PKHD1: variants seen among roughly 807,000 people sequenced by gnomAD.
PKHD1 encodes fibrocystin.
In PKHD1, 291 loss-of-function variants were observed where a neutral mutation model predicts 412.0. The ratio of observed to expected loss-of-function variants is 0.71; its 90% CI spans 0.64 to 0.78. PKHD1 has a LOEUF of 0.78. Among genes scored for constraint, PKHD1 ranks in the 30% least tolerant of loss-of-function variants. The probability of loss-of-function intolerance (pLI) is 0.00; values close to 1 mark genes in which losing one functional copy is unlikely to be tolerated. For missense variants in PKHD1, 4,825 were observed against 4,950.7 expected (o/e 0.97, Z 0.76); for synonymous variants, 1,777 against 1,821.5 (o/e 0.98, Z 0.62).
chr6:52,028,677 A>G (rs1802591016), intron 29 of PKHD1, among the ~76,000 whole-genome samples: 1 of 151,940 alleles, frequency 6.6e-6, no homozygotes, highest in Admixed American at 6.6e-5. Context: ...ACACCCAGCT[A>G]ATTTTTGTAT....
At chr6:51,758,033 A>AGAGC (rs1156901124) in intron 55 of PKHD1, among the ~76,000 whole-genome samples, 1 of 150,612 alleles carries the variant, frequency 6.6e-6, no homozygotes, top group African/African-American at 2.5e-5. Flanking sequence ...AGAGAGAGAG[A>AGAGC]GAGAGAGAGA....
chr6:51,732,228 T>C (rs1339368229), intron 60 of PKHD1, among the ~76,000 whole-genome samples: 1 of 152,182 alleles, frequency 6.6e-6, no homozygotes, highest in Non-Finnish European at 1.5e-5. Flanking sequence ...TAATATTCAG[T>C]TCTTATTCCT....
chr6:51,909,887 T>A (rs1024682981), intron 39 of PKHD1, among the ~76,000 whole-genome samples: 8 of 152,130 alleles, frequency 5.3e-5, no homozygotes, highest in African/African-American at 1.9e-4. Context: ...CTTTTTAATC[T>A]TAAGCTGTCC....
At chr6:51,663,569 C>A (rs1773215114) in intron 60 of PKHD1, among the ~76,000 whole-genome samples, 1 of 152,148 alleles carries the variant, frequency 6.6e-6, no homozygotes, top group Admixed American at 6.6e-5. Flanking sequence ...CAAGGGTCAA[C>A]ATTCTACCTC....
chr6:51,928,455 G>C (rs1452305104), intron 37 of PKHD1, among the ~76,000 whole-genome samples: 1 of 152,036 alleles, frequency 6.6e-6, no homozygotes, highest in East Asian at 1.9e-4. Context: ...CAGGCCTGTG[G>C]CAAATTTACA....
chr6:51,801,364 T>C (rs1168726995), intron 52 of PKHD1, among the ~76,000 whole-genome samples: 1 of 152,182 alleles, frequency 6.6e-6, no homozygotes, highest in East Asian at 1.9e-4. Flanking sequence ...CTAGAGTTCA[T>C]TCTCTTGTAG....
intron 19 of PKHD1, among the ~76,000 whole-genome samples, chr6:52,055,334 T>C (rs573730661): frequency 1.1e-4 from 16 of 152,206 alleles, no homozygotes; most frequent in Non-Finnish European, 1.5e-4. Context: ...AAAGAAAATA[T>C]TGTAGCAAAT....
At chr6:51,707,132 G>C (rs1029478159) in intron 60 of PKHD1, among the ~76,000 whole-genome samples, 2 of 152,172 alleles carry the variant, frequency 1.3e-5, no homozygotes, top group Non-Finnish European at 1.5e-5. Flanking sequence ...ATGACAGCCT[G>C]ATAAGTTTGT....
intron 46 of PKHD1, among the ~76,000 whole-genome samples, chr6:51,872,370 A>T (rs1776111518): frequency 6.6e-6 from 1 of 151,384 alleles, no homozygotes; most frequent in Non-Finnish European, 1.5e-5. Flanking sequence ...GAGAAAAAAA[A>T]TAAGTTACGT....
intron 37 of PKHD1, among the ~76,000 whole-genome samples, chr6:51,913,379 A>T (rs1212924761): frequency 6.6e-6 from 1 of 152,082 alleles, no homozygotes; most frequent in Non-Finnish European, 1.5e-5. Flanking sequence ...ACACTCCAGC[A>T]TACCCGCCTG....
At chr6:51,678,787 CCTT>C (rs1219807718) in intron 60 of PKHD1, among the ~76,000 whole-genome samples, 1 of 152,022 alleles carries the variant, frequency 6.6e-6, no homozygotes, top group African/African-American at 2.4e-5. Context: ...TCACCCTACA[CCTT>C]CTCTCTACCT....
chr6:51,670,812 A>C (rs1156646969), intron 60 of PKHD1, among the ~76,000 whole-genome samples: 1 of 150,492 alleles, frequency 6.6e-6, no homozygotes, highest in Non-Finnish European at 1.5e-5. Context: ...GATGAAGCTT[A>C]GTTTGGCTGG....
At chr6:51,982,296 C>G (rs1157172855) in intron 35 of PKHD1, among the ~76,000 whole-genome samples, 5 of 66,180 alleles carry the variant, frequency 7.6e-5, no homozygotes, top group African/African-American at 1.8e-4. Flanking sequence ...GCCACGACCC[C>G]GTCTGGGAGG....
chr6:51,884,667 T>A lies in PKHD1; in HGVS notation c.7215+1200A>T, dbSNP rs114003402. 2.6e-3 allele frequency among the ~76,000 whole-genome samples: 399 copies of A among 152,284 alleles called. 4 individuals carry two copies. The highest frequency in any genetic ancestry group is 8.6e-3 in the African/African-American group (359 of 41,570). ...GTTCTGTATTTTTTTCCTTCATAGG[T>A]TTAGCATTTCTGATTGCAGAATTTC... On this transcript the variant is annotated intron_variant, in intron 45 of 66. Transcript: ENST00000371117.
At chr6:52,058,014 T>C (rs1489047154) in intron 16 of PKHD1, among the ~76,000 whole-genome samples, 1 of 152,230 alleles carries the variant, frequency 6.6e-6, no homozygotes, top group East Asian at 1.9e-4. Context: ...TATGCTCACA[T>C]GCATGCACGC....
At chr6:52,064,881 T>G in intron 13 of PKHD1, 74 bp downstream of exon 13, 1 of 667,308 alleles carries the variant, frequency 1.5e-6, no homozygotes, top group Middle Eastern at 2.6e-4. Flanking sequence ...TTCAAACACT[T>G]TTATTTCTAC....
intron 52 of PKHD1, among the ~76,000 whole-genome samples, chr6:51,806,766 G>A (rs1293067936): frequency 1.3e-5 from 2 of 151,970 alleles, no homozygotes; most frequent in Non-Finnish European, 2.9e-5. Context: ...AATAGGAAAT[G>A]TCATATAGAG....
chr6:51,908,506 C>T (rs1351655612), intron 40 of PKHD1, among the ~76,000 whole-genome samples: 2 of 152,140 alleles, frequency 1.3e-5, no homozygotes, highest in African/African-American at 2.4e-5. Flanking sequence ...AGCTGCTGTC[C>T]TCCTGACTTG....
At chr6:52,002,769 A>G (rs999251085) in intron 35 of PKHD1, among the ~76,000 whole-genome samples, 17 of 152,244 alleles carry the variant, frequency 1.1e-4, no homozygotes, top group African/African-American at 4.1e-4. Context: ...GAGAAACAAA[A>G]TTAATTAGGG....
Sources: allele counts gnomAD v4.1 joint callset (sites outside exome capture counted in the v4.1 genomes callset), GRCh38; gene constraint gnomAD v4.1.1; transcripts MANE v1.5; gene names NCBI Gene and HGNC (gene_info 2026-07-23, HGNC 2026-07-21).